TC2N: variants seen among roughly 807,000 people sequenced by gnomAD.
The protein encoded by TC2N is tandem C2 domains nuclear protein.
In TC2N, 51 loss-of-function variants were observed where a neutral mutation model predicts 61.9. That is an observed-to-expected ratio of 0.82 (90% CI 0.66 to 1.04). The LOEUF is 1.04. TC2N is among the 50% of genes least tolerant of loss of function. The pLI, the probability that TC2N is intolerant of heterozygous loss-of-function variation, is 0.00. For missense variants in TC2N, 556 were observed against 566.7 expected (o/e 0.98, Z 0.19); for synonymous variants, 204 against 192.6 (o/e 1.06, Z -0.49).
chr14:91,785,296 G>T lies in TC2N; in HGVS notation c.1228C>A (p.Leu410Met). ...TTGACTCTTCCATTGGAGGCCTTCA[G>T]TAAGCGTGTCTTTTTCTTATAAATC... is the stretch of plus-strand genomic sequence containing the variant. ...ELIYKKKTRL[L>M]KASNGRVKWG... is the part of the protein sequence containing the mutation. The change falls in exon 11 of 12, where the codon CTG becomes ATG. Residue 410 changes from leucine to methionine, a missense_variant. Coordinates refer to ENST00000435962, the MANE Select transcript of TC2N (RefSeq NM_001128596.3). 6.2e-7 allele frequency: 1 copy of T among 1,613,756 alleles called. No individual in the cohort carries two copies. Among genetic ancestry groups the T allele is most frequent in the Non-Finnish European group, 8.5e-7 (1 of 1,179,824 alleles).
rs1885043306 is a variant in TC2N at position 91,780,475 on chromosome 14, C to T, written c.*2625G>A. On this transcript the variant is annotated 3_prime_UTR_variant, in exon 12 of 12. Transcript: ENST00000435962. ...ACTGATATACTTCAGAGGCCATTTC[C>T]CTAGGAGTACTGCTTTTAAAAATCA... The T allele has an allele frequency of 6.6e-6, 1 of 152,152 alleles. No homozygotes were observed. Among genetic ancestry groups the T allele is most frequent in the Non-Finnish European group, 1.5e-5 (1 of 68,020 alleles). 9.4% of individuals were successfully genotyped at this position (152,152 alleles called of 1,614,324 possible).
At chr14:91,823,983 C>T (rs1038158409) in intron 1 of TC2N, among the ~76,000 whole-genome samples, 3 of 152,120 alleles carry the variant, frequency 2.0e-5, no homozygotes, top group Non-Finnish European at 4.4e-5. Flanking sequence ...AGTGGTAGGG[C>T]TGTTTTAAGA....
chr14:91,795,181 G>A (rs551880481), intron 8 of TC2N, among the ~76,000 whole-genome samples: 4 of 152,268 alleles, frequency 2.6e-5, no homozygotes, highest in African/African-American at 7.2e-5. Context: ...TCACACATGA[G>A]CAAAGAAAGT....
At chr14:91,783,437 G>T (rs965310851) in intron 11 of TC2N, among the ~76,000 whole-genome samples, 1 of 151,988 alleles carries the variant, frequency 6.6e-6, no homozygotes, top group Admixed American at 6.6e-5. Context: ...ATAAGGTTCA[G>T]TTCAAAAATT....
At chr14:91,820,442 A>G (rs1180387791) in intron 1 of TC2N, among the ~76,000 whole-genome samples, 1 of 152,026 alleles carries the variant, frequency 6.6e-6, no homozygotes, top group Non-Finnish European at 1.5e-5. Context: ...TACTGAGAAT[A>G]GAAGAGAATC....
chr14:91,787,199 G>C (rs1388703470), intron 10 of TC2N, among the ~76,000 whole-genome samples: 13 of 152,126 alleles, frequency 8.5e-5, no homozygotes, highest in Admixed American at 7.9e-4. Flanking sequence ...CAGACCTAGA[G>C]AGAGGATAAA....
intron 3 of TC2N, among the ~76,000 whole-genome samples, chr14:91,805,191 G>A (rs1035863053): frequency 3.9e-5 from 6 of 152,044 alleles, no homozygotes; most frequent in African/African-American, 9.7e-5. Context: ...ATCAAGATAC[G>A]TAGGCCTAGG....
chr14:91,852,458 C>T (rs1888394402), intron 1 of TC2N, among the ~76,000 whole-genome samples: 2 of 152,004 alleles, frequency 1.3e-5, no homozygotes. Context: ...GCCTCACTAG[C>T]CTTAACTTTT....
intron 5 of TC2N, among the ~76,000 whole-genome samples, 169 bp from the exon 6 acceptor site, chr14:91,799,233 T>C (rs2139841307): frequency 6.6e-6 from 1 of 152,058 alleles, no homozygotes; most frequent in South Asian, 2.1e-4. Flanking sequence ...AAAAAAGCTT[T>C]TGGCATTTGT....
chr14:91,800,348 A>G lies in TC2N; in HGVS notation c.494T>C (p.Leu165Pro), dbSNP rs753439112. 8.7e-6 allele frequency: 14 copies of G among 1,603,694 alleles called. No homozygotes were observed. Among genetic ancestry groups the G allele is most frequent in the Middle Eastern group, 3.3e-4 (2 of 6,052 alleles). The stretch of plus-strand genomic sequence containing the variant: ...TTTGCTTAGCCCAGGGGAACCGGGA[A>G]GTTTGTTCGTCCTTAAATCACAAAC... Reference protein sequence around the residue: ...GSVCDLRTNKLPGSPGLSKSM... With the variant: ...GSVCDLRTNKPPGSPGLSKSM... Residue 165 changes from leucine to proline, a missense_variant, in exon 5 of 12, where the codon CTT (leucine) becomes CCT (proline). Transcript: ENST00000435962.
rs1886298513 is a variant in TC2N, at chr14:91,802,360, T to C, written c.363A>G (p.Gly121=). 6.2e-7 allele frequency: 1 copy of C among 1,612,786 alleles called. No individual in the cohort carries two copies. The highest frequency in any genetic ancestry group is 1.7e-5 in the Admixed American group (1 of 59,744). Residue 121 remains glycine (G), a synonymous_variant, in exon 4 of 12, where the codon GGA becomes GGG. Coordinates refer to ENST00000435962, the MANE Select transcript of TC2N (RefSeq NM_001128596.3). ...KVELSSSSQH[G]PSYDVYNPFY... is the part of the protein sequence containing the mutation. Reference sequence around the variant, plus strand: ...ATGGGTTATACACATCATAGCTAGGTCCGTGCTGGGATGAACTGGAAAGTT... The same window carrying C: ...ATGGGTTATACACATCATAGCTAGGCCCGTGCTGGGATGAACTGGAAAGTT...
chr14:91,826,213 G>A (rs138871108), intron 1 of TC2N, among the ~76,000 whole-genome samples: 1 of 151,704 alleles, frequency 6.6e-6, no homozygotes, highest in Non-Finnish European at 1.5e-5. Flanking sequence ...CCAGTTACAC[G>A]GGAAGCTGAG....
rs374760333 is a variant in TC2N, at chr14:91,792,482, A to G, written c.932T>C (p.Ile311Thr). The G allele has an allele frequency of 2.6e-5, 42 of 1,610,944 alleles. No individual in the cohort carries two copies. The highest frequency in any genetic ancestry group is 3.4e-5 in the Non-Finnish European group (40 of 1,177,858). The change falls in exon 9 of 12, where the codon ATT (isoleucine) becomes ACT (threonine). Residue 311 changes from isoleucine (I) to threonine (T), a missense_variant. Physicochemically the swap from Ile to Thr is moderately conservative, Grantham distance 89 (BLOSUM62 -1). Coordinates refer to ENST00000435962, the MANE Select transcript of TC2N (RefSeq NM_001128596.3). ...TTTCTTCCTGGGAGTCTGGGTTTGA[A>G]TCTTAAATACAAGTCTTACAGTTTG... is the stretch of plus-strand genomic sequence containing the variant. ...NLQTVRLVFK[I>T]QTQTPRKKTI...
intron 3 of TC2N, among the ~76,000 whole-genome samples, chr14:91,805,536 G>C (rs541040435): frequency 6.6e-6 from 1 of 152,024 alleles, no homozygotes; most frequent in Non-Finnish European, 1.5e-5. Flanking sequence ...GTGGTGGCCC[G>C]CGCCTGTAGT....
At chr14:91,808,418 G>A (rs528898944) in intron 3 of TC2N, among the ~76,000 whole-genome samples, 3 of 152,136 alleles carry the variant, frequency 2.0e-5, no homozygotes, top group Non-Finnish European at 2.9e-5. Context: ...AGAACATATC[G>A]CCATTGTTAA....
intron 8 of TC2N, among the ~76,000 whole-genome samples, chr14:91,797,098 T>C (rs554588324): frequency 2.6e-5 from 4 of 152,186 alleles, no homozygotes; most frequent in African/African-American, 7.2e-5. Context: ...TTGTATGTTC[T>C]AGAATACCTG....
Position 91,783,177 on chromosome 14 carries a change from C to T in TC2N, c.1396G>A (p.Ala466Thr), listed in dbSNP as rs201434498. Residue 466 changes from alanine to threonine, a missense_variant, in exon 12 of 12, where the codon GCA becomes ACA. Physicochemically the swap from Ala to Thr is moderately conservative, Grantham distance 58. Transcript: ENST00000435962. ...ACTGTCTCTTTCCACTGGTTCACTG[C>T]TTCAATGTTATTACTGTCTTCACTT... ...WISEDSNNIE[A>T]VNQWKETVIN... The T allele has an allele frequency of 4.3e-6, 7 of 1,611,156 alleles. No individual in the cohort carries two copies. The highest frequency in any genetic ancestry group is 1.7e-4 in the Middle Eastern group (1 of 6,050).
intron 1 of TC2N, among the ~76,000 whole-genome samples, chr14:91,836,032 C>A (rs567593448): frequency 1.1e-4 from 17 of 152,310 alleles, no homozygotes; most frequent in African/African-American, 4.1e-4. Flanking sequence ...GCCCTCCAGA[C>A]CACCGCGCTT....
chr14:91,786,144 T>C (rs1449524335), intron 10 of TC2N, among the ~76,000 whole-genome samples: 1 of 152,162 alleles, frequency 6.6e-6, no homozygotes, highest in Non-Finnish European at 1.5e-5. Context: ...ACCGTCAGAT[T>C]GATAGAATGA....
Sources: gnomAD v4.1 joint callset for allele counts (sites outside exome capture counted in the v4.1 genomes callset) on GRCh38, gnomAD v4.1.1 for gene constraint, MANE v1.5 for transcripts, NCBI Gene and HGNC (gene_info 2026-07-23, HGNC 2026-07-21) for gene names.